Variants in CNTNAP2 observed in about 807,000 individuals in gnomAD.
CNTNAP2 encodes the protein contactin-associated protein-like 2.
A neutral mutation model predicts 155.2 loss-of-function variants in CNTNAP2; 98 were observed. That is an observed-to-expected ratio of 0.63 (90% confidence interval 0.54 to 0.75). The LOEUF (loss-of-function observed/expected upper bound fraction) is 0.75. Among genes scored for constraint, CNTNAP2 ranks in the 30% least tolerant of loss-of-function variants. The probability of loss-of-function intolerance (pLI) is 0.00; values close to 1 mark genes in which losing one functional copy is unlikely to be tolerated. For missense variants in CNTNAP2, 1,727 were observed against 1,688.1 expected (o/e 1.02, Z -0.40); for synonymous variants, 651 against 631.2 (o/e 1.03, Z -0.47).
At chr7:147,904,049 G>A (rs752870537) in intron 14 of CNTNAP2, among the ~76,000 whole-genome samples, 4 of 152,126 alleles carry the variant, frequency 2.6e-5, no homozygotes, top group African/African-American at 9.7e-5. Context: ...GGCTGGGGGC[G>A]GGAAGCCAGT....
chr7:146,234,480 G>A (rs1241657173), intron 1 of CNTNAP2, among the ~76,000 whole-genome samples: 4 of 142,410 alleles, frequency 2.8e-5, no homozygotes, highest in Non-Finnish European at 1.6e-5. Context: ...GATCCCATTT[G>A]TCAATTTTGG....
intron 13 of CNTNAP2, among the ~76,000 whole-genome samples, chr7:147,898,415 T>C (rs947732404): frequency 1.3e-5 from 2 of 152,252 alleles, no homozygotes; most frequent in East Asian, 1.9e-4. Flanking sequence ...GGTAACTTTA[T>C]GATTTTCCTC....
intron 1 of CNTNAP2, among the ~76,000 whole-genome samples, chr7:146,445,737 G>A (rs1584929132): frequency 6.6e-6 from 1 of 152,114 alleles, no homozygotes; most frequent in Non-Finnish European, 1.5e-5. Flanking sequence ...AGTAGAGCAA[G>A]ATGAATGAGG....
At chr7:147,521,765 T>A (rs1270912105) in intron 11 of CNTNAP2, among the ~76,000 whole-genome samples, 2 of 152,198 alleles carry the variant, frequency 1.3e-5, no homozygotes, top group Non-Finnish European at 1.5e-5. Context: ...AAAGTCCCTC[T>A]GTGTGGAAAC....
At chr7:148,271,001 A>G (rs976500023) in intron 21 of CNTNAP2, among the ~76,000 whole-genome samples, 8 of 152,240 alleles carry the variant, frequency 5.3e-5, no homozygotes, top group African/African-American at 9.6e-5. Flanking sequence ...AGTGCCTAGT[A>G]TACAGAAAGG....
chr7:146,598,783 ATTAT>A (rs151165683), intron 1 of CNTNAP2, among the ~76,000 whole-genome samples: 2,171 of 152,178 alleles, frequency 0.014, 48 homozygotes, highest in African/African-American at 0.048. Context: ...GGCTCTAAAT[ATTAT>A]TTATATTCTG....
At chr7:146,565,991 C>G (rs769189614) in intron 1 of CNTNAP2, among the ~76,000 whole-genome samples, 1 of 152,228 alleles carries the variant, frequency 6.6e-6, no homozygotes, top group Non-Finnish European at 1.5e-5. Flanking sequence ...AAATTAGCTT[C>G]TCATGCATAT....
intron 3 of CNTNAP2, among the ~76,000 whole-genome samples, chr7:146,948,935 A>C (rs1797249524): frequency 6.6e-6 from 1 of 152,194 alleles, no homozygotes; most frequent in Non-Finnish European, 1.5e-5. Context: ...TTTCAACATT[A>C]CTAGGCTTTA....
At chr7:148,043,584 G>C (rs1020229481) in intron 15 of CNTNAP2, among the ~76,000 whole-genome samples, 2 of 152,114 alleles carry the variant, frequency 1.3e-5, no homozygotes, top group Admixed American at 6.5e-5. Context: ...GTAGTTAAAA[G>C]ACTAGTTCTA....
At chr7:146,383,690 T>C (rs1349484005) in intron 1 of CNTNAP2, among the ~76,000 whole-genome samples, 5 of 152,184 alleles carry the variant, frequency 3.3e-5, no homozygotes, top group African/African-American at 7.2e-5. Context: ...TTTCTTCTGT[T>C]TTATTAGTTT....
At chr7:146,473,198 C>T (rs1796825378) in intron 1 of CNTNAP2, among the ~76,000 whole-genome samples, 1 of 151,930 alleles carries the variant, frequency 6.6e-6, no homozygotes, top group Non-Finnish European at 1.5e-5. Context: ...AAAGAAAAGG[C>T]TTCAACTCCT....
intron 1 of CNTNAP2, among the ~76,000 whole-genome samples, chr7:146,665,427 G>T (rs1420271738): frequency 6.6e-6 from 1 of 151,306 alleles, no homozygotes; most frequent in Non-Finnish European, 1.5e-5. Context: ...TGACCCTTGG[G>T]TAATTTAGAA....
intron 21 of CNTNAP2, among the ~76,000 whole-genome samples, chr7:148,347,017 G>A (rs1248039912): frequency 6.6e-6 from 1 of 152,080 alleles, no homozygotes; most frequent in African/African-American, 2.4e-5. Flanking sequence ...AGCACTTTGG[G>A]AGGCCGAGGC....
chr7:148,135,535 C>T (rs964279453), intron 16 of CNTNAP2, among the ~76,000 whole-genome samples: 1 of 152,050 alleles, frequency 6.6e-6, no homozygotes, highest in Non-Finnish European at 1.5e-5. Flanking sequence ...CCTCAAGCTG[C>T]AGGGCAGCTC....
At chr7:146,265,298 A>T (rs866903343) in intron 1 of CNTNAP2, among the ~76,000 whole-genome samples, 4 of 152,280 alleles carry the variant, frequency 2.6e-5, no homozygotes, top group Non-Finnish European at 4.4e-5. Flanking sequence ...AATAACATTT[A>T]AAGTGTTATA....
chr7:146,295,712 A>G (rs557632436), intron 1 of CNTNAP2, among the ~76,000 whole-genome samples: 135 of 152,028 alleles, frequency 8.9e-4, no homozygotes, highest in African/African-American at 3.1e-3. Context: ...ATCTAGCTCA[A>G]TTGTTCCCAT....
chr7:146,274,153 C>A (rs1381358413), intron 1 of CNTNAP2, among the ~76,000 whole-genome samples: 1 of 152,138 alleles, frequency 6.6e-6, no homozygotes, highest in Non-Finnish European at 1.5e-5. Flanking sequence ...CATTAAAATT[C>A]TCCAGTGCTT....
chr7:147,920,355 CAA>C (rs35672069), intron 14 of CNTNAP2, among the ~76,000 whole-genome samples: 1 of 86,874 alleles, frequency 1.2e-5, no homozygotes. Context: ...GACTCCGTCT[CAA>C]AAAAAAAAAA....
At position 146,390,811 on chromosome 7, in the gene CNTNAP2, G is replaced by T. The variant is rs543100359; in HGVS notation, c.97+273838G>T. Among the ~76,000 whole-genome samples, 542 of 139,018 alleles carry T rather than the reference G, an allele frequency of 3.9e-3. 4 individuals carry two copies. Among genetic ancestry groups the T allele is most frequent in the Admixed American group, 7.5e-3 (94 of 12,518 alleles). The allele number at this position is 139,018 out of a possible 152,430, so 91.2% of individuals were successfully genotyped here. A position where few individuals can be genotyped will look rare whatever the true frequency, so the allele number is the denominator to read the frequency against. On this transcript the variant is annotated intron_variant, in intron 1 of 23. Transcript: ENST00000361727. ...TAGCTGGGTGTGGTGGCTCGCGCCT[G>T]TAATCCCAGCACTTTGGGAGGCCGA...
Sources: allele counts gnomAD v4.1 joint callset (sites outside exome capture counted in the v4.1 genomes callset), GRCh38; gene constraint gnomAD v4.1.1; transcripts MANE v1.5; gene names NCBI Gene and HGNC (gene_info 2026-07-23, HGNC 2026-07-21).